NRXN3: variants seen among roughly 807,000 people sequenced by gnomAD.
NRXN3 encodes neurexin 3.
In NRXN3, 32 loss-of-function variants were observed where a neutral mutation model predicts 137.6. The observed-to-expected ratio is 0.23, with a 90% CI of 0.18 to 0.31. The LOEUF (loss-of-function observed/expected upper bound fraction) is 0.31. Ranked by LOEUF, NRXN3 falls within the 10% of genes least tolerant of loss-of-function variation. The pLI is 1.00. For missense variants in NRXN3, 1,574 were observed against 2,062.5 expected (o/e 0.76, Z 4.59); for synonymous variants, 798 against 784.5 (o/e 1.02, Z -0.29).
intron 20 of NRXN3, among the ~76,000 whole-genome samples, chr14:79,811,384 T>A (rs2140843872): frequency 6.6e-6 from 1 of 152,252 alleles, no homozygotes; most frequent in African/African-American, 2.4e-5. Context: ...TTACAATACA[T>A]GTCTAATGCT....
chr14:78,734,336 T>C (rs1368916457), intron 8 of NRXN3, among the ~76,000 whole-genome samples: 1 of 151,746 alleles, frequency 6.6e-6, no homozygotes, highest in Non-Finnish European at 1.5e-5. Context: ...GAAAAGAAAG[T>C]CATTTTATCC....
chr14:78,769,157 A>T (rs1374604537), intron 8 of NRXN3, among the ~76,000 whole-genome samples: 1 of 152,230 alleles, frequency 6.6e-6, no homozygotes, highest in Non-Finnish European at 1.5e-5. Context: ...CTTATGAATA[A>T]CAAAAGACAC....
At chr14:79,414,865 C>G (rs1393627090) in intron 15 of NRXN3, among the ~76,000 whole-genome samples, 1 of 152,010 alleles carries the variant, frequency 6.6e-6, no homozygotes, top group African/African-American at 2.4e-5. Flanking sequence ...TCCCCATTTC[C>G]CCTATTTCCT....
At position 78,398,891 on chromosome 14, in the gene NRXN3, G is replaced by A. The variant is rs139622272; in HGVS notation, c.757+101031G>A. Among the ~76,000 whole-genome samples the A allele has an allele frequency of 7.9e-5, 12 of 152,274 alleles. No homozygotes were observed. In the East Asian group the frequency reaches 1.7e-3, roughly 22 times the overall value. On this transcript the variant is annotated intron_variant, in intron 4 of 20. Transcript: ENST00000335750. ...CTTGGCCTTATCTGATACCACTCAGGCTGGCAAGTTGAGACCCCATTATAG... is the reference window on the plus strand; with the variant it reads ...CTTGGCCTTATCTGATACCACTCAGACTGGCAAGTTGAGACCCCATTATAG...
At chr14:79,375,301 A>G (rs760827025) in intron 15 of NRXN3, among the ~76,000 whole-genome samples, 12 of 109,350 alleles carry the variant, frequency 1.1e-4, no homozygotes, top group Non-Finnish European at 2.2e-4. Flanking sequence ...CCCCTCCCAC[A>G]CATATACCCT....
At chr14:79,253,899 C>T (rs2076251767) in intron 15 of NRXN3, among the ~76,000 whole-genome samples, 1 of 152,144 alleles carries the variant, frequency 6.6e-6, no homozygotes. Flanking sequence ...CAAGTGGGTG[C>T]CCAAAACATT....
At chr14:79,461,837 A>G (rs1280178559) in intron 15 of NRXN3, among the ~76,000 whole-genome samples, 1 of 152,182 alleles carries the variant, frequency 6.6e-6, no homozygotes, top group Non-Finnish European at 1.5e-5. Flanking sequence ...AATAAAAAAG[A>G]AATAAAGAAT....
chr14:79,383,585 C>T (rs768149710), intron 15 of NRXN3, among the ~76,000 whole-genome samples: 33 of 152,086 alleles, frequency 2.2e-4, no homozygotes, highest in African/African-American at 6.5e-4. Flanking sequence ...TTCAGCATTG[C>T]GAATTCACAA....
intron 6 of NRXN3, among the ~76,000 whole-genome samples, chr14:78,705,693 G>A (rs17108083): frequency 0.3 from 45,701 of 152,138 alleles, 8,863 homozygotes; most frequent in African/African-American, 0.55. Context: ...GACAGTTTGT[G>A]GAACAGATAT....
chr14:79,801,524 G>C (rs2099180734), intron 19 of NRXN3, among the ~76,000 whole-genome samples: 1 of 151,844 alleles, frequency 6.6e-6, no homozygotes. Context: ...GATTAATAGT[G>C]AAGTAACTAA....
At chr14:79,250,555 C>G (rs942524329) in intron 15 of NRXN3, among the ~76,000 whole-genome samples, 3 of 152,132 alleles carry the variant, frequency 2.0e-5, no homozygotes, top group African/African-American at 7.2e-5. Flanking sequence ...AGCCAAGACA[C>G]AAAGCAGTTA....
chr14:78,946,105 T>G (rs2099364622), intron 10 of NRXN3, among the ~76,000 whole-genome samples: 1 of 152,336 alleles, frequency 6.6e-6, no homozygotes, highest in Middle Eastern at 3.4e-3. Flanking sequence ...TTTATGGGAT[T>G]GACGTGAGTA....
chr14:78,679,341 T>C (rs939008970), intron 6 of NRXN3, among the ~76,000 whole-genome samples: 4 of 152,180 alleles, frequency 2.6e-5, no homozygotes, highest in Non-Finnish European at 4.4e-5. Flanking sequence ...ATCTACCTTA[T>C]CATTGTTATT....
At chr14:79,416,910 A>T (rs1599962029) in intron 15 of NRXN3, among the ~76,000 whole-genome samples, 1 of 152,160 alleles carries the variant, frequency 6.6e-6, no homozygotes, top group African/African-American at 2.4e-5. Flanking sequence ...CATTTTTTAG[A>T]AGAAAACAAA....
At chr14:79,638,471 A>G (rs2098416857) in intron 16 of NRXN3, among the ~76,000 whole-genome samples, 3 of 152,240 alleles carry the variant, frequency 2.0e-5, no homozygotes, top group African/African-American at 4.8e-5. Context: ...TTGAAAATTC[A>G]GGTCTGTCAA....
intron 4 of NRXN3, among the ~76,000 whole-genome samples, chr14:78,441,399 T>C (rs1356940458): frequency 6.6e-6 from 1 of 152,098 alleles, no homozygotes; most frequent in East Asian, 1.9e-4. Context: ...TCAAAATCCA[T>C]CCTTCACAGC....
chr14:78,843,094 C>A (rs771329931), intron 10 of NRXN3, among the ~76,000 whole-genome samples: 1 of 152,062 alleles, frequency 6.6e-6, no homozygotes, highest in Non-Finnish European at 1.5e-5. Flanking sequence ...TAGGAAATCA[C>A]AAGGGTATTG....
chr14:79,061,795 T>C (rs2099674633), intron 15 of NRXN3, among the ~76,000 whole-genome samples: 1 of 152,140 alleles, frequency 6.6e-6, no homozygotes, highest in Admixed American at 6.5e-5. Flanking sequence ...TGGAGAAGAA[T>C]GTGGAGTGCC....
At chr14:79,003,479 G>A (rs192018301) in intron 15 of NRXN3, among the ~76,000 whole-genome samples, 4 of 152,148 alleles carry the variant, frequency 2.6e-5, no homozygotes, top group African/African-American at 4.8e-5. Flanking sequence ...AATTCAAAAC[G>A]CTTTGAGCCT....
Sources: gnomAD v4.1 joint callset for allele counts (sites outside exome capture counted in the v4.1 genomes callset) on GRCh38, gnomAD v4.1.1 for gene constraint, MANE v1.5 for transcripts, NCBI Gene and HGNC (gene_info 2026-07-23, HGNC 2026-07-21) for gene names.